PDE10A: variants seen among roughly 807,000 people sequenced by gnomAD.
PDE10A encodes phosphodiesterase 10A.
Under a neutral mutation model 97.7 loss-of-function variants are expected in PDE10A, and 39 were observed. That is an observed-to-expected ratio of 0.40 (90% confidence interval 0.31 to 0.52). The LOEUF (loss-of-function observed/expected upper bound fraction) is 0.52, where lower values mean the gene tolerates loss of function less well. PDE10A is among the 20% of genes least tolerant of loss of function. The pLI is 0.56. For missense variants in PDE10A, 731 were observed against 1,047.8 expected (o/e 0.70, Z 4.17); for synonymous variants, 371 against 376.8 (o/e 0.98, Z 0.18).
At chr6:165,366,290 A>G (rs1366184335) in intron 18 of PDE10A, among the ~76,000 whole-genome samples, 2 of 152,206 alleles carry the variant, frequency 1.3e-5, no homozygotes, top group Non-Finnish European at 2.9e-5. Context: ...TCAGAAAGCA[A>G]AATACATACA....
At chr6:165,936,521 AG>A (rs1278071483) in intron 1 of PDE10A, among the ~76,000 whole-genome samples, 2 of 152,222 alleles carry the variant, frequency 1.3e-5, no homozygotes, top group Non-Finnish European at 2.9e-5. Flanking sequence ...TGTGTTAGCC[AG>A]ATCTGGCACC....
At chr6:165,858,331 C>T (rs187329321) in intron 1 of PDE10A, among the ~76,000 whole-genome samples, 170 of 152,294 alleles carry the variant, frequency 1.1e-3, no homozygotes, top group African/African-American at 3.9e-3. Flanking sequence ...GGGAGTGCTC[C>T]CGACTAAGAA....
intron 1 of PDE10A, among the ~76,000 whole-genome samples, chr6:165,591,399 T>C (rs1009211274): frequency 6.6e-6 from 1 of 152,246 alleles, no homozygotes; most frequent in African/African-American, 2.4e-5. Flanking sequence ...GATTGTATAG[T>C]TGGTGTCAAT....
chr6:165,389,850 CAATTAAATACTTGATA>C (rs1334857215), intron 16 of PDE10A, among the ~76,000 whole-genome samples: 15 of 152,178 alleles, frequency 9.9e-5, no homozygotes, highest in African/African-American at 2.6e-4. Flanking sequence ...AATCATCCAG[CAATTAAATACTTGATA>C]AATTAAATAC....
chr6:165,482,672 A>G (rs1779675868), intron 2 of PDE10A, among the ~76,000 whole-genome samples: 1 of 152,184 alleles, frequency 6.6e-6, no homozygotes, highest in African/African-American at 2.4e-5. Context: ...ATAACACTTC[A>G]ATATTCTACA....
chr6:165,934,339 C>A (rs150600436), intron 1 of PDE10A, among the ~76,000 whole-genome samples: 56 of 151,874 alleles, frequency 3.7e-4, no homozygotes, highest in African/African-American at 1.2e-3. Flanking sequence ...ACTTTACTCC[C>A]CAGAGATCTT....
chr6:165,389,570 T>C (rs1785538233), intron 16 of PDE10A, among the ~76,000 whole-genome samples: 1 of 152,146 alleles, frequency 6.6e-6, no homozygotes. Flanking sequence ...GGAATGGGTT[T>C]GAGGAGGGAG....
intron 2 of PDE10A, among the ~76,000 whole-genome samples, chr6:165,526,876 T>C (rs662976): frequency 0.69 from 105,331 of 152,168 alleles, 39,758 homozygotes; most frequent in Non-Finnish European, 0.83. Context: ...CTCAGGAGTA[T>C]ATCACCTCTC....
intron 1 of PDE10A, among the ~76,000 whole-genome samples, chr6:165,709,167 C>T (rs1791815579): frequency 7.6e-6 from 1 of 132,090 alleles, no homozygotes; most frequent in Non-Finnish European, 1.6e-5. Context: ...CCTCCATGCT[C>T]CTGCACTCTC....
At chr6:165,606,995 A>G (rs975234675) in intron 1 of PDE10A, among the ~76,000 whole-genome samples, 3 of 151,714 alleles carry the variant, frequency 2.0e-5, no homozygotes, top group African/African-American at 7.3e-5. Context: ...TTATCCTCAT[A>G]TACTTATTCT....
chr6:165,672,678 C>T (rs573299668), intron 1 of PDE10A, among the ~76,000 whole-genome samples: 37 of 152,282 alleles, frequency 2.4e-4, no homozygotes, highest in African/African-American at 5.5e-4. Context: ...ACTTGTCTGC[C>T]GCTATGTGAG....
intron 1 of PDE10A, among the ~76,000 whole-genome samples, chr6:165,619,359 C>G (rs796181094): frequency 0.048 from 842 of 17,550 alleles, 14 homozygotes; most frequent in Middle Eastern, 0.2. Context: ...GTAGTGTAGT[C>G]TAGTGTAGTG....
intron 2 of PDE10A, among the ~76,000 whole-genome samples, chr6:165,486,599 G>C (rs1349314606): frequency 6.6e-6 from 1 of 152,140 alleles, no homozygotes; most frequent in Non-Finnish European, 1.5e-5. Context: ...ACGTCTGTTC[G>C]CACAGCTCTG....
chr6:165,833,772 C>T (rs2036017), intron 1 of PDE10A, among the ~76,000 whole-genome samples: 9,307 of 152,324 alleles, frequency 0.061, 351 homozygotes, highest in South Asian at 0.13. Context: ...AAGGTTCTGA[C>T]TTCCATTCCA....
intron 1 of PDE10A, among the ~76,000 whole-genome samples, chr6:165,625,670 C>T (rs773634164): frequency 5.9e-5 from 9 of 152,198 alleles, no homozygotes; most frequent in South Asian, 4.2e-4. Flanking sequence ...ATAAGTCTCA[C>T]GAGATCTTAT....
intron 1 of PDE10A, among the ~76,000 whole-genome samples, chr6:165,620,282 C>G (rs1788062462): frequency 6.6e-6 from 1 of 152,232 alleles, no homozygotes; most frequent in Non-Finnish European, 1.5e-5. Flanking sequence ...TCTCCCACCC[C>G]CACCCTGGCC....
intron 1 of PDE10A, among the ~76,000 whole-genome samples, chr6:165,628,821 T>C (rs965278915): frequency 6.6e-6 from 1 of 152,226 alleles, no homozygotes; most frequent in Non-Finnish European, 1.5e-5. Context: ...GATTTATAGA[T>C]AATTGAGATT....
chr6:165,894,547 G>A (rs1287167853), intron 1 of PDE10A: 8 of 455,844 alleles, frequency 1.8e-5, no homozygotes, highest in Non-Finnish European at 2.6e-5. Flanking sequence ...CAAACTCAAC[G>A]GGGAGCCAAG....
rs146135394 is a variant in PDE10A, at chr6:165,800,576, C to G, written c.-615+186953G>C. Among the ~76,000 whole-genome samples, 237 of 152,308 alleles carry G rather than the reference C, an allele frequency of 1.6e-3. 2 individuals are homozygous for G. Among genetic ancestry groups the G allele is most frequent in the African/African-American group, 5.5e-3 (229 of 41,568 alleles). The stretch of plus-strand genomic sequence containing the variant: ...GAATCTGGTTACAGTGATGATAGAC[C>G]TACAGAGCCTGAGGGCCCATGGAAA... On this transcript the variant is annotated intron_variant, in intron 1 of 19. Coordinates refer to the PDE10A transcript ENST00000366882.
Sources: allele counts gnomAD v4.1 joint callset (sites outside exome capture counted in the v4.1 genomes callset), GRCh38; gene constraint gnomAD v4.1.1; transcripts MANE v1.5; gene names NCBI Gene and HGNC (gene_info 2026-07-23, HGNC 2026-07-21).